The following RSRC1 variants were observed in gnomAD, a reference collection of about 807,000 sequenced individuals.
RSRC1 encodes the protein serine/Arginine-related protein 53.
Under a neutral mutation model 49.1 loss-of-function variants are expected in RSRC1, and 39 were observed. The ratio of observed to expected loss-of-function variants is 0.79; its 90% CI spans 0.61 to 1.04. RSRC1 has a LOEUF of 1.04. Ranked by LOEUF, RSRC1 falls within the 50% of genes least tolerant of loss-of-function variation. The pLI, the probability that RSRC1 is intolerant of heterozygous loss-of-function variation, is 0.00. For synonymous variants in RSRC1, 143 were observed against 130.8 expected, an observed-to-expected ratio of 1.09 and a Z score of -0.63; for missense variants, 388 against 402.4, an observed-to-expected ratio of 0.96 and a Z score of 0.31.
chr3:158,475,811 C>T (rs185098130), intron 7 of RSRC1, among the ~76,000 whole-genome samples: 6 of 152,158 alleles, frequency 3.9e-5, no homozygotes, highest in African/African-American at 1.2e-4. Flanking sequence ...AATAACCTTA[C>T]AGTGGCCTCT....
At chr3:158,175,425 A>T (rs927385138) in intron 3 of RSRC1, among the ~76,000 whole-genome samples, 3 of 152,014 alleles carry the variant, frequency 2.0e-5, no homozygotes, top group African/African-American at 7.2e-5. Context: ...AAACTCTATC[A>T]TTGTATCTTT....
At chr3:158,228,793 ATG>A (rs1254551922) in intron 4 of RSRC1, among the ~76,000 whole-genome samples, 4 of 151,654 alleles carry the variant, frequency 2.6e-5, no homozygotes, top group Non-Finnish European at 4.4e-5. Flanking sequence ...GTGTATATAT[ATG>A]TGTGTATATA....
At chr3:158,444,297 C>CA (rs930337544) in intron 6 of RSRC1, among the ~76,000 whole-genome samples, 28 of 152,162 alleles carry the variant, frequency 1.8e-4, no homozygotes, top group African/African-American at 6.7e-4. Context: ...AAGGTACTGG[C>CA]ACCAAAACAG....
At chr3:158,152,056 TAAA>T (rs1183557774) in intron 3 of RSRC1, among the ~76,000 whole-genome samples, 1 of 147,472 alleles carries the variant, frequency 6.8e-6, no homozygotes. Context: ...TTATAAAAAT[TAAA>T]AATCATATCT....
chr3:158,216,357 TC>T lies in RSRC1; in HGVS notation c.494+13113del, dbSNP rs373539959. 6.6e-5 allele frequency among the ~76,000 whole-genome samples: 10 copies of T among 151,624 alleles called. No individual in the cohort carries two copies. In the East Asian group the frequency reaches 1.9e-3, roughly 29 times the overall value. On this transcript the variant is annotated intron_variant, in intron 4 of 9. Coordinates refer to ENST00000611884, the MANE Select transcript of RSRC1 (RefSeq NM_001271838.2). ...AATCTGCTAAGTGTATCTGTTGAGT[TC>T]TTAATTTTCTGTAATATATTTTATA...
At chr3:158,373,244 C>G (rs1011064575) in intron 6 of RSRC1, among the ~76,000 whole-genome samples, 3 of 151,826 alleles carry the variant, frequency 2.0e-5, no homozygotes, top group Admixed American at 6.6e-5. Flanking sequence ...TACCTTATTA[C>G]TGTAGCTAGA....
At chr3:158,138,909 A>C (rs922334711) in intron 3 of RSRC1, among the ~76,000 whole-genome samples, 1 of 152,214 alleles carries the variant, frequency 6.6e-6, no homozygotes, top group African/African-American at 2.4e-5. Flanking sequence ...GTTGATTTTA[A>C]GTAAATAATT....
intron 4 of RSRC1, among the ~76,000 whole-genome samples, chr3:158,271,253 G>A (rs1725501269): frequency 6.6e-6 from 1 of 152,076 alleles, no homozygotes; most frequent in Non-Finnish European, 1.5e-5. Context: ...AAAAGTCTTG[G>A]CTGGAGATTA....
chr3:158,254,776 G>T (rs1407674792), intron 4 of RSRC1, among the ~76,000 whole-genome samples: 2 of 152,040 alleles, frequency 1.3e-5, no homozygotes, highest in Non-Finnish European at 2.9e-5. Context: ...GGTGTGAAAT[G>T]GTATCTCATG....
intron 3 of RSRC1, among the ~76,000 whole-genome samples, chr3:158,156,870 G>A (rs1228578753): frequency 1.3e-5 from 2 of 152,160 alleles, no homozygotes; most frequent in East Asian, 3.8e-4. Context: ...TAATGAAAAA[G>A]TTTGAAGTAT....
At chr3:158,464,086 CT>C (rs1223229158) in intron 7 of RSRC1, among the ~76,000 whole-genome samples, 1 of 151,930 alleles carries the variant, frequency 6.6e-6, no homozygotes, top group African/African-American at 2.4e-5. Context: ...GTTCTGGTTT[CT>C]TTCTTATTCT....
intron 7 of RSRC1, among the ~76,000 whole-genome samples, chr3:158,509,066 T>C (rs551632459): frequency 2.6e-5 from 4 of 152,350 alleles, no homozygotes; most frequent in African/African-American, 9.6e-5. Flanking sequence ...TTAAGAGGGC[T>C]TTGCCTAACC....
At chr3:158,334,400 C>T (rs1290302386) in intron 5 of RSRC1, among the ~76,000 whole-genome samples, 4 of 151,894 alleles carry the variant, frequency 2.6e-5, no homozygotes, top group Non-Finnish European at 5.9e-5. Flanking sequence ...GTAACTGATA[C>T]ATATTAAAAG....
At chr3:158,340,433 C>T (rs1225495315) in intron 5 of RSRC1, among the ~76,000 whole-genome samples, 1 of 151,992 alleles carries the variant, frequency 6.6e-6, no homozygotes, top group African/African-American at 2.4e-5. Flanking sequence ...CCTAGCTACT[C>T]AGGAGGCTGA....
chr3:158,417,240 A>G (rs1324058707), intron 6 of RSRC1, among the ~76,000 whole-genome samples: 1 of 152,068 alleles, frequency 6.6e-6, no homozygotes, highest in Non-Finnish European at 1.5e-5. Flanking sequence ...TGAGACCTCT[A>G]GTTTATCAAA....
chr3:158,472,247 A>G (rs143478436), intron 7 of RSRC1, among the ~76,000 whole-genome samples: 59 of 152,242 alleles, frequency 3.9e-4, no homozygotes, highest in African/African-American at 1.2e-3. Context: ...AACAACACCT[A>G]CTTTGGGAAT....
chr3:158,424,139 G>A (rs1036180914), intron 6 of RSRC1, among the ~76,000 whole-genome samples: 1 of 152,124 alleles, frequency 6.6e-6, no homozygotes, highest in African/African-American at 2.4e-5. Context: ...GTGAGAGAGG[G>A]CATCCCTGTC....
intron 6 of RSRC1, among the ~76,000 whole-genome samples, chr3:158,445,910 G>T (rs1736683819): frequency 6.6e-6 from 1 of 151,966 alleles, no homozygotes; most frequent in Admixed American, 6.6e-5. Flanking sequence ...AAAATTCTGT[G>T]TTTCTAAATA....
chr3:158,167,340 A>G (rs1237498455), intron 3 of RSRC1, among the ~76,000 whole-genome samples: 1 of 151,990 alleles, frequency 6.6e-6, no homozygotes. Context: ...GCACATGCAC[A>G]CCACCACACA....
Sources: gnomAD v4.1 joint callset for allele counts (sites outside exome capture counted in the v4.1 genomes callset) on GRCh38, gnomAD v4.1.1 for gene constraint, MANE v1.5 for transcripts, NCBI Gene and HGNC (gene_info 2026-07-23, HGNC 2026-07-21) for gene names.